MYH11: variants seen among roughly 807,000 people sequenced by gnomAD.
MYH11 encodes the protein myosin-11.
In MYH11, 80 loss-of-function variants were observed where a neutral mutation model predicts 246.6. The observed-to-expected ratio is 0.32, with a 90% CI of 0.27 to 0.39. The LOEUF is 0.39. Ranked by LOEUF, MYH11 falls within the 10% of genes least tolerant of loss-of-function variation. MYH11 has a pLI of 1.00. For missense variants in MYH11, 2,158 were observed against 2,546.8 expected (o/e 0.85, Z 3.29); for synonymous variants, 1,071 against 1,015.5 (o/e 1.05, Z -1.04).
chr16:15,724,763 C>A lies in MYH11; in HGVS notation c.4000G>T (p.Val1334Leu), dbSNP rs139377348. The change falls in exon 30 of 41, where the codon GTG becomes TTG. Residue 1334 changes from valine to leucine, a missense_variant. Val to Leu is a conservative substitution (Grantham distance 32). Coordinates refer to ENST00000300036, the MANE Select transcript of MYH11 (RefSeq NM_002474.3). Reference sequence around the variant, plus strand: ...TCCAGCTGGCGCAGCTTCGTAGACACGTTGAGCTTCTGCCGGGTTTCTTCT... The same window carrying A: ...TCCAGCTGGCGCAGCTTCGTAGACAAGTTGAGCTTCTGCCGGGTTTCTTCT... ...LQEETRQKLN[V>L]STKLRQLEEE... 15 of 1,614,124 alleles carry A rather than the reference C, an allele frequency of 9.3e-6. No individual in the cohort carries two copies. The highest frequency in any genetic ancestry group is 1.3e-5 in the African/African-American group (1 of 75,036).
chr16:15,820,174 C>T (rs1477133208), intron 3 of MYH11, among the ~76,000 whole-genome samples: 3 of 152,150 alleles, frequency 2.0e-5, no homozygotes, highest in African/African-American at 7.2e-5. Flanking sequence ...AAAGCCCCAT[C>T]TCTACTAAAA....
At chr16:15,716,638 C>T (rs1218295919) in intron 38 of MYH11, among the ~76,000 whole-genome samples, 1 of 152,298 alleles carries the variant, frequency 6.6e-6, no homozygotes, top group Non-Finnish European at 1.5e-5. Context: ...TCTCCTGCCT[C>T]AGTCTCCTGA....
At chr16:15,756,113 G>T (rs1388747890) in intron 14 of MYH11, among the ~76,000 whole-genome samples, 1 of 152,208 alleles carries the variant, frequency 6.6e-6, no homozygotes, top group Non-Finnish European at 1.5e-5. Flanking sequence ...AAAACAGAAA[G>T]AAATAACTGT....
intron 15 of MYH11, among the ~76,000 whole-genome samples, chr16:15,751,949 G>A (rs1377691631): frequency 6.6e-6 from 1 of 151,610 alleles, no homozygotes; most frequent in South Asian, 2.1e-4. Flanking sequence ...CCACCACCAC[G>A]CCCAGTTAGT....
intron 6 of MYH11, among the ~76,000 whole-genome samples, chr16:15,780,278 G>A (rs894174973): frequency 1.3e-5 from 2 of 151,950 alleles, no homozygotes; most frequent in South Asian, 2.1e-4. Context: ...TGTTGGGGGG[G>A]GGCCGCTGTT....
chr16:15,822,543 CA>C (rs373246168), intron 3 of MYH11, among the ~76,000 whole-genome samples: 1 of 151,944 alleles, frequency 6.6e-6, no homozygotes, highest in African/African-American at 2.4e-5. Context: ...AAAAACAAAA[CA>C]AAAAAACCCA....
At chr16:15,737,972 G>A (rs2041170085) in intron 24 of MYH11, among the ~76,000 whole-genome samples, 1 of 151,884 alleles carries the variant, frequency 6.6e-6, no homozygotes, top group Non-Finnish European at 1.5e-5. Flanking sequence ...TTTGTATTTT[G>A]AGACAGGGTT....
chr16:15,787,379 G>A (rs2042495242), intron 4 of MYH11, among the ~76,000 whole-genome samples: 1 of 152,046 alleles, frequency 6.6e-6, no homozygotes, highest in South Asian at 2.1e-4. Flanking sequence ...CTGCACTCCA[G>A]CCTGGGTGAC....
At chr16:15,756,090 CCT>C (rs1280611797) in intron 14 of MYH11, among the ~76,000 whole-genome samples, 1 of 152,142 alleles carries the variant, frequency 6.6e-6, no homozygotes, top group Non-Finnish European at 1.5e-5. Context: ...AAAGCGAGAC[CCT>C]GTCTCCAACA....
At chr16:15,777,521 G>A (rs1442658859) in intron 7 of MYH11, among the ~76,000 whole-genome samples, 1 of 152,170 alleles carries the variant, frequency 6.6e-6, no homozygotes, top group Non-Finnish European at 1.5e-5. Flanking sequence ...GAGGCCAGAA[G>A]GACGGGGCTA....
At chr16:15,768,722 G>A (rs1440592253) in intron 9 of MYH11, among the ~76,000 whole-genome samples, 2 of 152,074 alleles carry the variant, frequency 1.3e-5, no homozygotes, top group African/African-American at 4.8e-5. Flanking sequence ...ATAAATAGAT[G>A]GCAATTATAA....
intron 10 of MYH11, among the ~76,000 whole-genome samples, chr16:15,761,935 G>A (rs527258150): frequency 2.0e-5 from 3 of 152,256 alleles, no homozygotes; most frequent in African/African-American, 7.2e-5. Flanking sequence ...ACCATTTGTG[G>A]GTGTAAGCCG....
chr16:15,776,019 G>T, intron 8 of MYH11, 59 bp downstream of exon 8: 2 of 1,272,178 alleles, frequency 1.6e-6, no homozygotes, highest in South Asian at 1.2e-5. Flanking sequence ...CTTAACCCCG[G>T]ATTCTGATGA....
At chr16:15,779,575 C>G (rs1222503536) in intron 6 of MYH11, among the ~76,000 whole-genome samples, 1 of 152,188 alleles carries the variant, frequency 6.6e-6, no homozygotes, top group Non-Finnish European at 1.5e-5. Flanking sequence ...CTAGAGGGCT[C>G]CCTCCCCAGA....
chr16:15,775,886 T>G, intron 8 of MYH11, 192 bp downstream of exon 8: 2 of 643,406 alleles, frequency 3.1e-6, no homozygotes, highest in Non-Finnish European at 5.7e-6. Flanking sequence ...AGGTGCTCAG[T>G]AAATGAGAAT....
At chr16:15,794,001 T>C (rs1321811789) in intron 4 of MYH11, among the ~76,000 whole-genome samples, 2 of 139,884 alleles carry the variant, frequency 1.4e-5, no homozygotes, top group African/African-American at 5.4e-5. Context: ...TGGAGTGCAG[T>C]GGTGCGATCT....
At chr16:15,723,845 T>TA (rs772239326) in intron 31 of MYH11, among the ~76,000 whole-genome samples, 2 of 152,194 alleles carry the variant, frequency 1.3e-5, no homozygotes, top group Non-Finnish European at 2.9e-5. Flanking sequence ...ATTCAGTAAA[T>TA]ACATTTAGTG....
chr16:15,840,128 G>A (rs2044016793), intron 1 of MYH11, among the ~76,000 whole-genome samples: 1 of 152,120 alleles, frequency 6.6e-6, no homozygotes. Flanking sequence ...GTACATAAGA[G>A]GTAAGAGGCA....
At chr16:15,813,895 C>T (rs148877474) in intron 3 of MYH11, among the ~76,000 whole-genome samples, 3 of 151,926 alleles carry the variant, frequency 2.0e-5, no homozygotes, top group East Asian at 3.9e-4. Context: ...TGGTTCACGC[C>T]TGTAATCCCA....
Sources: allele counts gnomAD v4.1 joint callset (sites outside exome capture counted in the v4.1 genomes callset), GRCh38; gene constraint gnomAD v4.1.1; transcripts MANE v1.5; gene names NCBI Gene and HGNC (gene_info 2026-07-23, HGNC 2026-07-21).